The following ADGRG4 variants were observed in gnomAD, a reference collection of about 807,000 sequenced individuals.
ADGRG4 encodes the protein G protein-coupled receptor 112.
Under a neutral mutation model 126.2 loss-of-function variants are expected in ADGRG4, and 122 were observed. The observed-to-expected ratio is 0.97, with a 90% CI of 0.83 to 1.12. The LOEUF (loss-of-function observed/expected upper bound fraction) is 1.12. Ranked by LOEUF, ADGRG4 falls within the 50% of genes most tolerant of loss-of-function variation. The probability of loss-of-function intolerance (pLI) is 0.00; values close to 1 mark genes in which losing one functional copy is unlikely to be tolerated. For synonymous variants in ADGRG4, 943 were observed against 838.7 expected (o/e 1.12, Z -2.15); for missense variants, 2,481 against 2,251.8 (o/e 1.10, Z -2.06).
In ADGRG4 at chrX:136,372,751, A is replaced by G. The variant is rs778426713; in HGVS notation, c.7614-151A>G. On this transcript the variant is annotated intron_variant, in intron 14 of 25. Transcript: ENST00000394143. ...TTTAGGTGTCAACTTGTCTGATTCC[A>G]AAGCCAGTGCTCTTATTTAATAATT... 4.7e-5 allele frequency: 25 copies of G among 533,379 alleles called. No individual in the cohort carries two copies. In the South Asian group the frequency reaches 6.6e-4, roughly 14 times the overall value. The allele number at this position is 533,379 out of a possible 1,213,427, so 44.0% of individuals were successfully genotyped here.
At chrX:136,304,750 TGTTGTG>T (rs1216183108) in intron 2 of ADGRG4, 99 bp from the exon 3 acceptor site, 1 of 112,054 alleles carries the variant, frequency 8.9e-6, no homozygotes, top group Non-Finnish European at 1.9e-5. Context: ...CAGAGCTTAG[TGTTGTG>T]AGGGAGACAG....
chrX:136,396,766 A>C (rs1389235006), intron 19 of ADGRG4, among the ~76,000 whole-genome samples: 1 of 106,471 alleles, frequency 9.4e-6, no homozygotes, highest in Non-Finnish European at 1.9e-5. Context: ...TTGGCACTAT[A>C]GATATTCTGG....
At chrX:136,415,222 A>G (rs1039864989) in intron 25 of ADGRG4, among the ~76,000 whole-genome samples, 1 of 111,114 alleles carries the variant, frequency 9.0e-6, no homozygotes, top group African/African-American at 3.3e-5. Flanking sequence ...ATTCGCTAGT[A>G]TTTTTCTTTA....
chrX:136,362,022 A>G (rs899547340), intron 12 of ADGRG4, among the ~76,000 whole-genome samples: 1 of 112,075 alleles, frequency 8.9e-6, no homozygotes, highest in Non-Finnish European at 1.9e-5. Flanking sequence ...TTATTATCTT[A>G]ATGTTCATTT....
In ADGRG4 at chrX:136,346,345, C is replaced by A; in HGVS notation, c.2639C>A (p.Ala880Asp). The A allele has an allele frequency of 8.3e-7, 1 of 1,209,399 alleles. No homozygotes were observed. The highest frequency in any genetic ancestry group is 1.1e-6 in the Non-Finnish European group (1 of 893,974). Residue 880 changes from alanine to aspartate, a missense_variant, in exon 6 of 26, where the codon GCT (alanine) becomes GAT (aspartate). Coordinates refer to ENST00000394143, the MANE Select transcript of ADGRG4 (RefSeq NM_153834.4). The part of the protein sequence containing the change: ...VTDESAQRVT[A>D]SVTVSSFPDI... ...GACGAATCAGCACAAAGGGTGACAG[C>A]TTCTGTCACTGTTTCCTCTTTTCCT...
chrX:136,346,189 A>G lies in ADGRG4; in HGVS notation c.2483A>G (p.Lys828Arg), dbSNP rs2075015970. 1 of 1,207,253 alleles carries G rather than the reference A, an allele frequency of 8.3e-7. No individual in the cohort carries two copies. The highest frequency in any genetic ancestry group is 2.2e-5 in the Admixed American group (1 of 45,340). The change falls in exon 6 of 26, where the codon AAG (lysine) becomes AGG (arginine). Residue 828 changes from lysine (K) to arginine (R), a missense_variant. Transcript: ENST00000394143. ...VFGGTTTPVP[K>R]SATTQRLNAT... ...GGAGGTACAACGACCCCTGTACCAAAGTCAGCAACAACACAAAGATTAAAT... is the reference window on the plus strand; with the variant it reads ...GGAGGTACAACGACCCCTGTACCAAGGTCAGCAACAACACAAAGATTAAAT...
chrX:136,388,271 G>A (rs1345796310), intron 16 of ADGRG4, among the ~76,000 whole-genome samples: 1 of 111,951 alleles, frequency 8.9e-6, no homozygotes, highest in Non-Finnish European at 1.9e-5. Flanking sequence ...GAAGTTGGGT[G>A]GTATCCAGAA....
chrX:136,407,930 G>A (rs2075424349), intron 23 of ADGRG4, among the ~76,000 whole-genome samples: 1 of 112,005 alleles, frequency 8.9e-6, no homozygotes, highest in African/African-American at 3.3e-5. Context: ...ACCAGTCATG[G>A]TATAGAATGT....
At position 136,349,309 on chromosome X, in the gene ADGRG4, C is replaced by A. The variant is rs41309534; in HGVS notation, c.5603C>A (p.Thr1868Lys). Residue 1868 changes from threonine (T) to lysine (K), a missense_variant, in exon 6 of 26, where the codon ACA becomes AAA. Coordinates refer to ENST00000394143, the MANE Select transcript of ADGRG4 (RefSeq NM_153834.4). ...ATGGTTGAATTTCCAGTTCTGGGAACAAGAATGACATCTAGTAATACCCAA... is the reference window on the plus strand; with the variant it reads ...ATGGTTGAATTTCCAGTTCTGGGAAAAAGAATGACATCTAGTAATACCCAA... Reference protein sequence around the residue: ...SQMVEFPVLGTRMTSSNTQPL... With the variant: ...SQMVEFPVLGKRMTSSNTQPL... 14 of 1,208,964 alleles carry A rather than the reference C, an allele frequency of 1.2e-5. No homozygotes were observed. Among genetic ancestry groups the A allele is most frequent in the Non-Finnish European group, 1.6e-5 (14 of 893,293 alleles).
chrX:136,400,168 T>C (rs1569337932), intron 21 of ADGRG4, 52 bp downstream of exon 21: 1 of 965,916 alleles, frequency 1.0e-6, no homozygotes, highest in East Asian at 3.1e-5. Context: ...TCTGTCTTTC[T>C]AATTCTAGCT....
chrX:136,416,569 C>G lies in ADGRG4; in HGVS notation c.*78C>G. The G allele has an allele frequency of 1.3e-6, 1 of 793,360 alleles. No homozygotes were observed. The highest frequency in any genetic ancestry group is 1.9e-6 in the Non-Finnish European group (1 of 535,995). The allele number at this position is 793,360 out of a possible 1,213,427, so 65.4% of individuals were successfully genotyped here. ...AAAATGAATTCCAAGTGTATACTTG[C>G]TCGGGTGATGGGTGCACCAAAATCT... On this transcript the variant is annotated 3_prime_UTR_variant, in exon 26 of 26. Coordinates refer to ENST00000394143, the MANE Select transcript of ADGRG4 (RefSeq NM_153834.4).
At chrX:136,410,718 A>C (rs1013767802) in intron 23 of ADGRG4, among the ~76,000 whole-genome samples, 1 of 111,788 alleles carries the variant, frequency 8.9e-6, no homozygotes, top group Non-Finnish European at 1.9e-5. Context: ...ACATTTATTG[A>C]GCGGCCGCAC....
At chrX:136,402,257 T>C (rs1181381563) in intron 21 of ADGRG4, among the ~76,000 whole-genome samples, 1 of 112,475 alleles carries the variant, frequency 8.9e-6, no homozygotes, top group East Asian at 2.8e-4. Context: ...GATTTGTTTA[T>C]ATTTTTAAAA....
At chrX:136,351,817 G>T (rs750065213) in intron 7 of ADGRG4, among the ~76,000 whole-genome samples, 3 of 110,832 alleles carry the variant, frequency 2.7e-5, no homozygotes, top group Non-Finnish European at 5.7e-5. Flanking sequence ...TCCCTTTAGA[G>T]ACACAAATTC....
intron 15 of ADGRG4, among the ~76,000 whole-genome samples, chrX:136,380,604 C>CGCTTCTTCT (rs2075255726): frequency 2.2e-4 from 12 of 55,343 alleles, no homozygotes; most frequent in Non-Finnish European, 3.5e-4. Flanking sequence ...CCTCCTCCTC[C>CGCTTCTTCT]TCTTCTTCTT....
At chrX:136,308,391 T>C (rs200493389) in intron 3 of ADGRG4, among the ~76,000 whole-genome samples, 5 of 112,491 alleles carry the variant, frequency 4.4e-5, no homozygotes, top group Non-Finnish European at 3.8e-5. Context: ...ATTACAGGCA[T>C]GAGCTACAGC....
chrX:136,386,683 A>G (rs1428759529), intron 15 of ADGRG4, among the ~76,000 whole-genome samples: 1 of 111,820 alleles, frequency 8.9e-6, no homozygotes, highest in Non-Finnish European at 1.9e-5. Flanking sequence ...GTTGATAGAG[A>G]GATTAAATGG....
At position 136,406,908 on chromosome X, in the gene ADGRG4, T is replaced by G. The variant is rs190071344; in HGVS notation, c.8935+936T>G. ...TCCAGCCTGGGCAACAAAGAGAGAC[T>G]CTGTCAAAAAAAAAAAAAAAAGCTA... is the stretch of plus-strand genomic sequence containing the variant. On this transcript the variant is annotated intron_variant, in intron 23 of 25. Transcript: ENST00000394143. Among the ~76,000 whole-genome samples, 103 of 103,632 alleles carry G rather than the reference T, an allele frequency of 9.9e-4. 1 individual carries two copies. In the East Asian group the frequency reaches 0.028, roughly 28 times the overall value. The allele number at this position is 103,632 out of a possible 115,157, so 90.0% of individuals were successfully genotyped here.
chrX:136,404,294 C>G (rs910644453), intron 22 of ADGRG4, among the ~76,000 whole-genome samples: 1 of 110,799 alleles, frequency 9.0e-6, no homozygotes, highest in African/African-American at 3.3e-5. Flanking sequence ...AAAAAGTCCC[C>G]AGTGTCTACC....
Sources: allele counts gnomAD v4.1 joint callset (sites outside exome capture counted in the v4.1 genomes callset), GRCh38; gene constraint gnomAD v4.1.1; transcripts MANE v1.5; gene names NCBI Gene and HGNC (gene_info 2026-07-23, HGNC 2026-07-21).